The following MTHFD2L variants were observed in gnomAD, a reference collection of about 807,000 sequenced individuals.
The protein encoded by MTHFD2L is bifunctional methylenetetrahydrofolate dehydrogenase/cyclohydrolase 2, mitochondrial.
A neutral mutation model predicts 34.9 loss-of-function variants in MTHFD2L; 29 were observed. The ratio of observed to expected loss-of-function variants is 0.83; its 90% confidence interval spans 0.62 to 1.13. The LOEUF (loss-of-function observed/expected upper bound fraction) is 1.13. Among genes scored for constraint, MTHFD2L ranks in the 50% most tolerant of loss-of-function variants. The pLI, the probability that MTHFD2L is intolerant of heterozygous loss-of-function variation, is 0.00. For synonymous variants in MTHFD2L, 167 were observed against 155.7 expected, an observed-to-expected ratio of 1.07 and a Z score of -0.54; for missense variants, 481 against 446.5, an observed-to-expected ratio of 1.08 and a Z score of -0.70.
intron 1 of MTHFD2L, among the ~76,000 whole-genome samples, chr4:74,173,198 A>G (rs1330366130): frequency 2.6e-5 from 4 of 152,162 alleles, no homozygotes; most frequent in African/African-American, 9.7e-5. Flanking sequence ...TTTATCAGAT[A>G]CCTTTAAAAA....
chr4:74,142,764 G>C (rs1723355178), intron 1 of MTHFD2L, among the ~76,000 whole-genome samples: 1 of 152,084 alleles, frequency 6.6e-6, no homozygotes, highest in Non-Finnish European at 1.5e-5. Context: ...GCAATGACAT[G>C]GTCCTGCAGA....
At chr4:74,174,757 A>G in intron 2 of MTHFD2L, 67 bp downstream of exon 2, 1 of 1,108,738 alleles carries the variant, frequency 9.0e-7, no homozygotes, top group Non-Finnish European at 1.2e-6. Context: ...AATTGTGATA[A>G]TTATGAATGA....
chr4:74,284,291 A>G (rs1560560497), intron 7 of MTHFD2L, among the ~76,000 whole-genome samples: 1 of 152,168 alleles, frequency 6.6e-6, no homozygotes, highest in Non-Finnish European at 1.5e-5. Context: ...GAAAGGGCAA[A>G]GGATAAAATG....
intron 1 of MTHFD2L, among the ~76,000 whole-genome samples, chr4:74,149,384 C>T (rs1342442665): frequency 6.7e-6 from 1 of 149,968 alleles, no homozygotes; most frequent in East Asian, 1.9e-4. Context: ...CTAAATGCCC[C>T]TATTTAATAA....
chr4:74,206,516 A>G (rs1735351968), intron 5 of MTHFD2L, among the ~76,000 whole-genome samples: 1 of 152,184 alleles, frequency 6.6e-6, no homozygotes, highest in South Asian at 2.1e-4. Flanking sequence ...ACTGTGAGAA[A>G]GGGAGAGATG....
At chr4:74,119,076 C>T (rs1721704980), upstream of MTHFD2L, among the ~76,000 whole-genome samples, 1 of 152,146 alleles carries the variant, frequency 6.6e-6, no homozygotes, top group African/African-American at 2.4e-5. Context: ...ATATCAAAAC[C>T]CTGTCAGTGA....
intron 3 of MTHFD2L, among the ~76,000 whole-genome samples, chr4:74,185,181 C>CAAAAAAAA (rs1730964644): frequency 3.7e-5 from 4 of 109,316 alleles, no homozygotes; most frequent in East Asian, 2.8e-4. Context: ...AAAAAAAAAT[C>CAAAAAAAA]TGGAAAATCC....
intron 6 of MTHFD2L, among the ~76,000 whole-genome samples, chr4:74,262,090 G>A (rs1194445606): frequency 4.0e-5 from 6 of 151,778 alleles, no homozygotes; most frequent in East Asian, 1.9e-4. Flanking sequence ...ACACACATTC[G>A]TATGTGTGAA....
At chr4:74,253,596 C>T in intron 6 of MTHFD2L, among the ~76,000 whole-genome samples, 1 of 152,154 alleles carries the variant, frequency 6.6e-6, no homozygotes, top group South Asian at 2.1e-4. Context: ...CAACCTCACC[C>T]CAGTGAATCC....
chr4:74,253,077 GA>G (rs947650424), intron 6 of MTHFD2L, among the ~76,000 whole-genome samples: 2 of 151,888 alleles, frequency 1.3e-5, no homozygotes, highest in African/African-American at 2.4e-5. Flanking sequence ...AAATTTTGAG[GA>G]AAAAAATTAA....
At chr4:74,286,312 T>C (rs1748164605) in intron 7 of MTHFD2L, among the ~76,000 whole-genome samples, 1 of 152,188 alleles carries the variant, frequency 6.6e-6, no homozygotes, top group African/African-American at 2.4e-5. Flanking sequence ...AGCAAATAAT[T>C]ATTCATTTAT....
intron 2 of MTHFD2L, among the ~76,000 whole-genome samples, chr4:74,115,985 C>G (rs1162036603): frequency 6.6e-6 from 1 of 152,094 alleles, no homozygotes; most frequent in African/African-American, 2.4e-5. Context: ...ATCAAAGACC[C>G]TGTATTGTTG....
chr4:74,214,064 A>G (rs1736794206), intron 5 of MTHFD2L, among the ~76,000 whole-genome samples: 1 of 151,704 alleles, frequency 6.6e-6, no homozygotes, highest in South Asian at 2.1e-4. Flanking sequence ...CCATCAGGTC[A>G]TTTATGTTTG....
chr4:74,178,941 C>G (rs139646813), intron 3 of MTHFD2L, among the ~76,000 whole-genome samples: 277 of 151,972 alleles, frequency 1.8e-3, no homozygotes, highest in African/African-American at 6.6e-3. Context: ...ATACTCTTAC[C>G]GATTATGTTA....
At chr4:74,129,396 T>C (rs1184119807) in intron 1 of MTHFD2L, among the ~76,000 whole-genome samples, 1 of 152,110 alleles carries the variant, frequency 6.6e-6, no homozygotes, top group African/African-American at 2.4e-5. Context: ...AAACAGACTC[T>C]TGGACCACAG....
At chr4:74,121,597 T>C (rs991607575), upstream of MTHFD2L, among the ~76,000 whole-genome samples, 9 of 145,060 alleles carry the variant, frequency 6.2e-5, no homozygotes, top group African/African-American at 1.8e-4. Flanking sequence ...TTTAATTATA[T>C]ATAATTAATT....
chr4:74,295,078 A>G (rs1278863035), intron 7 of MTHFD2L, among the ~76,000 whole-genome samples: 2 of 152,084 alleles, frequency 1.3e-5, no homozygotes, highest in Non-Finnish European at 2.9e-5. Flanking sequence ...TAAATAGCCA[A>G]GTTTATTCAT....
chr4:74,300,305 T>C (rs994111166), intron 7 of MTHFD2L, among the ~76,000 whole-genome samples: 17 of 152,030 alleles, frequency 1.1e-4, no homozygotes, highest in Non-Finnish European at 1.9e-4. Context: ...AGTAAAACAA[T>C]GTTATTCCTT....
chr4:74,201,223 G>T (rs1734363280), intron 4 of MTHFD2L, 40 bp from the exon 5 acceptor site: 5 of 1,473,560 alleles, frequency 3.4e-6, no homozygotes, highest in African/African-American at 2.8e-5. Context: ...TTTACTTCTT[G>T]TTGTCAATTC....
Sources: gnomAD v4.1 joint callset for allele counts (sites outside exome capture counted in the v4.1 genomes callset) on GRCh38, gnomAD v4.1.1 for gene constraint, MANE v1.5 for transcripts, NCBI Gene and HGNC (gene_info 2026-07-23, HGNC 2026-07-21) for gene names.